SNX13: variants seen among roughly 807,000 people sequenced by gnomAD.
The protein encoded by SNX13 is sorting nexin 13, also known as sorting nexin-13.
Under a neutral mutation model 133.6 loss-of-function variants are expected in SNX13, and 45 were observed. The ratio of observed to expected loss-of-function variants is 0.34; its 90% CI spans 0.27 to 0.43. The LOEUF (loss-of-function observed/expected upper bound fraction) is 0.43, where lower values mean the gene tolerates loss of function less well. Among genes scored for constraint, SNX13 ranks in the 20% least tolerant of loss-of-function variants. The pLI, the probability that SNX13 is intolerant of heterozygous loss-of-function variation, is 1.00. For missense variants in SNX13, 1,032 were observed against 1,145.1 expected, an observed-to-expected ratio of 0.90 and a Z score of 1.43; for synonymous variants, 414 against 373.9, an observed-to-expected ratio of 1.11 and a Z score of -1.24.
rs183114691 is a variant in SNX13, at chr7:17,792,731, T to C, written c.*1314A>G. The C allele has an allele frequency of 3.9e-4, 60 of 152,456 alleles. 2 individuals are homozygous for C. The East Asian group carries it at 0.011, about 27-fold the overall frequency. The allele number at this position is 152,456 out of a possible 1,614,324, so 9.4% of individuals were successfully genotyped here. A position where few individuals can be genotyped will look rare whatever the true frequency, so the allele number is the denominator to read the frequency against. ...CTGACACACCCAAACCCTTAGGCAA[T>C]GAAAGTATTTAAAACTATGCAGAAA... On this transcript the variant is annotated 3_prime_UTR_variant, in exon 26 of 26. Coordinates refer to ENST00000428135, the MANE Select transcript of SNX13 (RefSeq NM_015132.5).
chr7:17,895,704 T>C (rs1797129368), intron 2 of SNX13, among the ~76,000 whole-genome samples: 1 of 152,176 alleles, frequency 6.6e-6, no homozygotes. Context: ...AAGGTTCTCA[T>C]GACTTTAAAA....
chr7:17,798,959 T>C, intron 23 of SNX13, 50 bp downstream of exon 23: 1 of 1,565,174 alleles, frequency 6.4e-7, no homozygotes, highest in Non-Finnish European at 8.6e-7. Context: ...GAAGTAAGAG[T>C]TTAATAGCTA....
At chr7:17,882,883 G>C (rs1356067290) in intron 5 of SNX13, 3 of 1,273,226 alleles carry the variant, frequency 2.4e-6, no homozygotes, top group East Asian at 6.1e-5. Context: ...TCCAGGAAGC[G>C]GAGGTTGCAG....
chr7:17,885,551 G>A (rs1043281521), intron 5 of SNX13, among the ~76,000 whole-genome samples: 1 of 152,278 alleles, frequency 6.6e-6, no homozygotes, highest in Admixed American at 6.5e-5. Context: ...CGTTAGGCTG[G>A]GTGTGGTGGC....
chr7:17,850,491 T>C, intron 10 of SNX13, 56 bp from the exon 11 acceptor site: 1 of 1,054,776 alleles, frequency 9.5e-7, no homozygotes, highest in Admixed American at 2.8e-5. Context: ...TGAAATACTT[T>C]AAACATGCAC....
chr7:17,900,177 C>T (rs561394344), intron 1 of SNX13: 1 of 152,402 alleles, frequency 6.6e-6, no homozygotes, highest in East Asian at 1.9e-4. Flanking sequence ...GAGTCAGTCT[C>T]TCTGCTGAGT....
rs1028341009 is a variant in SNX13, at chr7:17,791,279, T to C, written c.*2766A>G. 3 of 151,914 alleles carry C rather than the reference T, an allele frequency of 2.0e-5. No individual in the cohort carries two copies. The highest frequency in any genetic ancestry group is 1.3e-4 in the Admixed American group (2 of 15,232). 9.4% of individuals were successfully genotyped at this position (151,914 alleles called of 1,614,324 possible). The stretch of plus-strand genomic sequence containing the variant: ...ATATCATTCTTAATTTTTATAAAAA[T>C]TGGTACACTTTCTGGTAGCACTTAA... On this transcript the variant is annotated 3_prime_UTR_variant, in exon 26 of 26. Coordinates refer to ENST00000428135, the MANE Select transcript of SNX13 (RefSeq NM_015132.5).
At chr7:17,854,266 A>G (rs1304440864) in intron 9 of SNX13, among the ~76,000 whole-genome samples, 1 of 152,248 alleles carries the variant, frequency 6.6e-6, no homozygotes, top group Non-Finnish European at 1.5e-5. Context: ...GGTTCTTCAT[A>G]TTTCATATGA....
In SNX13 at chr7:17,821,431, T is replaced by C. The variant is rs183278511; in HGVS notation, c.1845+78A>G. 1.4e-5 allele frequency: 19 copies of C among 1,362,794 alleles called. No homozygotes were observed. In the East Asian group the frequency reaches 4.2e-4, roughly 30 times the overall value. 84.4% of individuals were successfully genotyped at this position (1,362,794 alleles called of 1,614,324 possible). ...CTTATTTTTTTAATTAATCACTCTA[T>C]CTGGGCATCCTCAGATTTATAATCA... On this transcript the variant is annotated intron_variant, in intron 18 of 25. Transcript: ENST00000428135.
chr7:17,920,584 G>A (rs1642079596), intron 1 of SNX13, among the ~76,000 whole-genome samples: 1 of 152,140 alleles, frequency 6.6e-6, no homozygotes, highest in Non-Finnish European at 1.5e-5. Context: ...CAAGTTACGT[G>A]TCAAATTAAT....
intron 2 of SNX13, among the ~76,000 whole-genome samples, chr7:17,894,908 G>C (rs887883270): frequency 6.6e-6 from 1 of 152,134 alleles, no homozygotes; most frequent in Non-Finnish European, 1.5e-5. Context: ...TGGGGGTTGA[G>C]AACATGGATA....
intron 1 of SNX13, among the ~76,000 whole-genome samples, chr7:17,900,885 C>A (rs926900611): frequency 6.6e-6 from 1 of 152,064 alleles, no homozygotes; most frequent in Non-Finnish European, 1.5e-5. Context: ...AAGAAGTCCC[C>A]CCGCATAGTT....
At chr7:17,798,638 C>A (rs1784311828) in intron 24 of SNX13, 52 bp downstream of exon 24, 2 of 1,330,500 alleles carry the variant, frequency 1.5e-6, no homozygotes, top group African/African-American at 1.5e-5. Flanking sequence ...TTAGTGATAA[C>A]AATGCTAAAC....
chr7:17,827,769 T>TG (rs771533848), intron 16 of SNX13, among the ~76,000 whole-genome samples: 41 of 151,546 alleles, frequency 2.7e-4, no homozygotes, highest in Non-Finnish European at 5.6e-4. Context: ...GAAAATGCTT[T>TG]GGAAAAAAAA....
At chr7:17,880,173 A>T (rs1227878362) in intron 5 of SNX13, 1 of 152,176 alleles carries the variant, frequency 6.6e-6, no homozygotes, top group Non-Finnish European at 1.5e-5. Context: ...TACACTGCAA[A>T]ACCTATGGTT....
chr7:17,869,346 C>A, intron 8 of SNX13, among the ~76,000 whole-genome samples: 1 of 152,014 alleles, frequency 6.6e-6, no homozygotes, highest in African/African-American at 2.4e-5. Context: ...TTCTCAAGGT[C>A]ATTGTTTTAA....
intron 22 of SNX13, among the ~76,000 whole-genome samples, chr7:17,801,030 A>ATATACG (rs1156788226): frequency 2.2e-4 from 4 of 18,546 alleles, no homozygotes; most frequent in African/African-American, 5.9e-4. Context: ...ATATATATAT[A>ATATACG]TATATATATA....
At chr7:17,877,301 T>C (rs186402430) in intron 5 of SNX13, among the ~76,000 whole-genome samples, 1 of 152,100 alleles carries the variant, frequency 6.6e-6, no homozygotes, top group Admixed American at 6.5e-5. Flanking sequence ...ATAACTAAAC[T>C]TGGTAACAAT....
At chr7:17,892,055 G>A (rs1796685150) in intron 3 of SNX13, among the ~76,000 whole-genome samples, 1 of 151,856 alleles carries the variant, frequency 6.6e-6, no homozygotes, top group Admixed American at 6.6e-5. Flanking sequence ...TTTTATGTAG[G>A]GATAGTTTTG....
Sources: gnomAD v4.1 joint callset for allele counts (sites outside exome capture counted in the v4.1 genomes callset) on GRCh38, gnomAD v4.1.1 for gene constraint, MANE v1.5 for transcripts, NCBI Gene and HGNC (gene_info 2026-07-23, HGNC 2026-07-21) for gene names.